The following DNAH10 variants were observed in gnomAD, a reference collection of about 807,000 sequenced individuals.
DNAH10 encodes axonemal beta dynein heavy chain 10.
A neutral mutation model predicts 506.6 loss-of-function variants in DNAH10; 348 were observed. The ratio of observed to expected loss-of-function variants is 0.69; its 90% CI spans 0.63 to 0.75. The LOEUF (loss-of-function observed/expected upper bound fraction) is 0.75, where lower values mean the gene tolerates loss of function less well. Ranked by LOEUF, DNAH10 falls within the 30% of genes least tolerant of loss-of-function variation. DNAH10 has a pLI of 0.00. For synonymous variants in DNAH10, 2,059 were observed against 2,198.6 expected (o/e 0.94, Z 1.78); for missense variants, 5,179 against 5,787.1 (o/e 0.89, Z 3.41).
chr12:123,866,446 T>C (rs1263183642), intron 41 of DNAH10, among the ~76,000 whole-genome samples: 1 of 151,670 alleles, frequency 6.6e-6, no homozygotes, highest in Non-Finnish European at 1.5e-5. Context: ...GGTTTCACCG[T>C]GTTAGCCAGG....
chr12:123,816,787 T>C (rs1311933258), intron 21 of DNAH10, among the ~76,000 whole-genome samples: 1 of 152,192 alleles, frequency 6.6e-6, no homozygotes, highest in Non-Finnish European at 1.5e-5. Context: ...TACGCCTGCA[T>C]TTCTATTGAG....
intron 28 of DNAH10, among the ~76,000 whole-genome samples, chr12:123,838,208 C>T (rs570399324): frequency 1.3e-5 from 2 of 152,298 alleles, no homozygotes; most frequent in Non-Finnish European, 2.9e-5. Context: ...GCGCAGCTGG[C>T]CTTCTTACGG....
Position 123,774,038 on chromosome 12 carries a change from CA to C in DNAH10, c.506-110del, listed in dbSNP as rs1481127638. On this transcript the variant is annotated intron_variant, in intron 4 of 78. Coordinates refer to ENST00000673944, the MANE Select transcript of DNAH10 (RefSeq NM_001372106.1). ...GGATATTCTGAATCTGTAACCAGAACATTCCTTGTAGCAGCTTGGGAAGAAG... is the reference window on the plus strand; with the variant it reads ...GGATATTCTGAATCTGTAACCAGAACTTCCTTGTAGCAGCTTGGGAAGAAG... 4 of 730,744 alleles carry C rather than the reference CA, an allele frequency of 5.5e-6. No homozygotes were observed. In the African/African-American group the frequency reaches 7.1e-5, roughly 13 times the overall value. 45.3% of individuals were successfully genotyped at this position (730,744 alleles called of 1,614,324 possible).
chr12:123,924,157 C>G, intron 66 of DNAH10, 121 bp from the exon 67 acceptor site: 4 of 1,349,862 alleles, frequency 3.0e-6, no homozygotes, highest in Non-Finnish European at 3.9e-6. Flanking sequence ...TGGGCCACTT[C>G]CTGTTTCCAG....
chr12:123,854,707 T>G (rs375437042), intron 36 of DNAH10, among the ~76,000 whole-genome samples: 16 of 152,240 alleles, frequency 1.1e-4, no homozygotes, highest in African/African-American at 1.4e-4. Flanking sequence ...CATAGGAAAT[T>G]AACTTTGCTG....
intron 14 of DNAH10, among the ~76,000 whole-genome samples, chr12:123,799,645 A>G (rs1958411359): frequency 6.6e-6 from 1 of 152,208 alleles, no homozygotes; most frequent in African/African-American, 2.4e-5. Context: ...CGTTTTATAA[A>G]TCAGATGATG....
chr12:123,802,983 T>C (rs1051112427), intron 16 of DNAH10, among the ~76,000 whole-genome samples: 5 of 152,192 alleles, frequency 3.3e-5, no homozygotes, highest in Non-Finnish European at 5.9e-5. Flanking sequence ...TCGTCTTTTA[T>C]TGGATGTGTG....
In DNAH10 at chr12:123,785,772, C is replaced by G; in HGVS notation, c.1257C>G (p.His419Gln). The G allele has an allele frequency of 6.2e-7, 1 of 1,613,348 alleles. No homozygotes were observed. The highest frequency in any genetic ancestry group is 1.1e-5 in the South Asian group (1 of 91,050). ...FKNITHGSGF[H>Q]VVLDTIPAMM... ...ACATAACGCACGGGTCTGGCTTCCA[C>G]GTGGTCCTGGACACCATCCCCGCCA... The change falls in exon 9 of 79, where the codon CAC becomes CAG. Residue 419 changes from histidine (H) to glutamine (Q), a missense_variant. Around this residue, in one of 3 missense-constraint regions of DNAH10, gnomAD observed 4,844 missense variants for 5,430.5 expected, o/e 0.89. Transcript: ENST00000673944. This position sits in a 1 kb window ranked among gnomAD's most constrained non-coding sequence, Gnocchi z 4.1.
chr12:123,792,860 C>T (rs1958134196), intron 11 of DNAH10, among the ~76,000 whole-genome samples: 1 of 152,182 alleles, frequency 6.6e-6, no homozygotes, highest in South Asian at 2.1e-4. Flanking sequence ...TAGATCTCAC[C>T]TCTTCCTCTT....
intron 2 of DNAH10, among the ~76,000 whole-genome samples, chr12:123,768,015 G>A (rs1957112205): frequency 6.6e-6 from 1 of 152,148 alleles, no homozygotes; most frequent in South Asian, 2.1e-4. Flanking sequence ...ACTGCAGTCT[G>A]GGGGTCAGGG....
chr12:123,935,006 G>A, intron 78 of DNAH10: 1 of 628,284 alleles, frequency 1.6e-6, no homozygotes. Context: ...CTGTGATCCT[G>A]TGGTCTAGAC....
rs753777022 is a variant in DNAH10 at position 123,865,908 on chromosome 12, T to C, written c.7045-43T>C. 9.1e-6 allele frequency: 14 copies of C among 1,534,262 alleles called. No homozygotes were observed. The Admixed American group carries it at 2.3e-4, about 25-fold the overall frequency. ...AGGTCCTTAAACATCTAGTTTATCT[T>C]GTGTATAGCTATAGCCATGATTGAT... On this transcript the variant is annotated intron_variant, in intron 40 of 78. Coordinates refer to ENST00000673944, the MANE Select transcript of DNAH10 (RefSeq NM_001372106.1).
At chr12:123,860,961 C>T in intron 38 of DNAH10, 51 bp from the exon 39 acceptor site, 1 of 1,612,910 alleles carries the variant, frequency 6.2e-7, no homozygotes. Context: ...AGACTGTTTT[C>T]CTCATGCATT....
chr12:123,873,627 G>GTTT lies in DNAH10; in HGVS notation c.7856_7857insTTT (p.Val2619_Glu2620insLeu). ...TATCCAAAGAAATTTAGAAGCAAATGTGGAAAAGCGAACCAAAGATACTTA... is the reference window on the plus strand; with the variant it reads ...TATCCAAAGAAATTTAGAAGCAAATGTTTTGGAAAAGCGAACCAAAGATACTTA... On this transcript the variant is annotated inframe_insertion, in exon 46 of 79. Coordinates refer to ENST00000673944, the MANE Select transcript of DNAH10 (RefSeq NM_001372106.1). The GTTT allele has an allele frequency of 6.2e-7, 1 of 1,613,938 alleles. No homozygotes were observed. Among genetic ancestry groups the GTTT allele is most frequent in the Non-Finnish European group, 8.5e-7 (1 of 1,179,862 alleles).
intron 35 of DNAH10, 43 bp downstream of exon 35, chr12:123,851,119 AC>A (rs1951145014): frequency 5.3e-6 from 8 of 1,519,148 alleles, no homozygotes; most frequent in Admixed American, 2.0e-5. Context: ...TGCAGACTTC[AC>A]CCGGGTCTGC....
intron 1 of DNAH10, among the ~76,000 whole-genome samples, chr12:123,767,396 C>T (rs1232653417): frequency 6.6e-6 from 1 of 152,116 alleles, no homozygotes; most frequent in East Asian, 1.9e-4. Flanking sequence ...CTGTATCCTT[C>T]GTCTCTTGGC....
chr12:123,783,003 T>C (rs1594009219), intron 6 of DNAH10, 104 bp from the exon 7 acceptor site: 6 of 1,004,938 alleles, frequency 6.0e-6, no homozygotes, highest in South Asian at 5.8e-5. Context: ...GACCTTATTA[T>C]ACTGATGAAG....
At chr12:123,768,518 C>A (rs1957133935) in intron 2 of DNAH10, among the ~76,000 whole-genome samples, 1 of 152,212 alleles carries the variant, frequency 6.6e-6, no homozygotes, top group African/African-American at 2.4e-5. Context: ...TTACTAATTA[C>A]ATCTGCAAAG....
rs373038438 is a variant in DNAH10, at chr12:123,930,418, G to A, written c.12629G>A (p.Arg4210Gln). The part of the protein sequence containing the change: ...YLIGEVMYGG[R>Q]AIDSFDRRIL... Reference sequence around the variant, plus strand: ...TAATTTCAGGTCATGTATGGAGGACGGGCCATCGACAGCTTTGATCGCCGC... The same window carrying A: ...TAATTTCAGGTCATGTATGGAGGACAGGCCATCGACAGCTTTGATCGCCGC... Residue 4210 changes from arginine (R) to glutamine (Q), a missense_variant, in exon 73 of 79, where the codon CGG becomes CAG. Around this residue, in one of 3 missense-constraint regions of DNAH10, gnomAD observed 4,844 missense variants for 5,430.5 expected, o/e 0.89. Coordinates refer to ENST00000673944, the MANE Select transcript of DNAH10 (RefSeq NM_001372106.1). The A allele has an allele frequency of 2.2e-5, 35 of 1,584,012 alleles. No homozygotes were observed. Among genetic ancestry groups the A allele is most frequent in the Middle Eastern group, 1.7e-4 (1 of 5,948 alleles).
Sources: allele counts gnomAD v4.1 joint callset (sites outside exome capture counted in the v4.1 genomes callset), GRCh38; gene constraint gnomAD v4.1.1; regional missense constraint gnomAD v4.1.1; non-coding constraint Gnocchi (gnomAD v3.1); transcripts MANE v1.5; gene names NCBI Gene and HGNC (gene_info 2026-07-23, HGNC 2026-07-21).